The following ABR variants were observed in gnomAD, a reference collection of about 807,000 sequenced individuals.
ABR encodes active breakpoint cluster region-related protein.
ABR carries 35 observed loss-of-function variants against 107.2 expected under a neutral mutation model. The ratio of observed to expected loss-of-function variants is 0.33; its 90% CI spans 0.25 to 0.43. ABR has a LOEUF of 0.43. Ranked by LOEUF, ABR falls within the 20% of genes least tolerant of loss-of-function variation. ABR has a pLI of 1.00. For missense variants in ABR, 815 were observed against 1,115.2 expected, an observed-to-expected ratio of 0.73 and a Z score of 3.83; for synonymous variants, 498 against 462.0, an observed-to-expected ratio of 1.08 and a Z score of -1.00.
chr17:1,125,090 T>G, intron 2 of ABR, 93 bp downstream of exon 2: 1 of 1,332,132 alleles, frequency 7.5e-7, no homozygotes, highest in Non-Finnish European at 1.0e-6. Flanking sequence ...AGTCCCAATC[T>G]CTCGAGACCA....
chr17:1,138,823 G>C (rs2040182769), intron 1 of ABR, among the ~76,000 whole-genome samples: 1 of 152,212 alleles, frequency 6.6e-6, no homozygotes, highest in Non-Finnish European at 1.5e-5. Flanking sequence ...ACTGTTGCAG[G>C]AAACTGAGGA....
intron 16 of ABR, among the ~76,000 whole-genome samples, chr17:1,026,374 A>G (rs1597427834): frequency 6.6e-6 from 1 of 152,196 alleles, no homozygotes; most frequent in Non-Finnish European, 1.5e-5. Context: ...CAGGCATCGG[A>G]TGGGAAGGGC....
intron 16 of ABR, among the ~76,000 whole-genome samples, chr17:1,020,648 A>G (rs2071552607): frequency 6.6e-6 from 1 of 152,124 alleles, no homozygotes; most frequent in Admixed American, 6.5e-5. Context: ...GCCTTTCTGG[A>G]CCGAAGTGAC....
intron 16 of ABR, among the ~76,000 whole-genome samples, chr17:1,019,206 C>T (rs568642232): frequency 1.3e-5 from 2 of 152,340 alleles, no homozygotes; most frequent in East Asian, 3.9e-4. Context: ...ACTGCACCTC[C>T]TGATGCTAAG....
At chr17:1,115,091 A>AG (rs2038922986) in intron 2 of ABR, among the ~76,000 whole-genome samples, 1 of 152,150 alleles carries the variant, frequency 6.6e-6, no homozygotes, top group Non-Finnish European at 1.5e-5. Flanking sequence ...TGCAAAGGGA[A>AG]GGGGGGCCCC....
At position 1,010,086 on chromosome 17, in the gene ABR, CT is replaced by C. The variant is rs1170497360; in HGVS notation, c.2237-303del. ...CCCCTGTCTCGTAACAGGACACCCCCTGGTCTGTGTGGCTAAGGTTAAGCCA... is the reference window on the plus strand; with the variant it reads ...CCCCTGTCTCGTAACAGGACACCCCCGGTCTGTGTGGCTAAGGTTAAGCCA... On this transcript the variant is annotated intron_variant, in intron 20 of 22. Coordinates refer to ENST00000302538, the MANE Select transcript of ABR (RefSeq NM_021962.5). The surrounding 1 kb of genome is among the most constrained non-coding windows in gnomAD (Gnocchi z 4.1). The C allele has an allele frequency of 2.0e-6, 1 of 502,524 alleles. No individual in the cohort carries two copies. The highest frequency in any genetic ancestry group is 3.6e-6 in the Non-Finnish European group (1 of 276,044). The allele number at this position is 502,524 out of a possible 1,614,324, so 31.1% of individuals were successfully genotyped here.
At chr17:1,169,647 G>C (rs1030184216) in intron 1 of ABR, among the ~76,000 whole-genome samples, 3 of 152,190 alleles carry the variant, frequency 2.0e-5, no homozygotes, top group African/African-American at 7.2e-5. Flanking sequence ...TGGGTCTGGA[G>C]GGTCTGCCCC....
intron 16 of ABR, among the ~76,000 whole-genome samples, chr17:1,028,155 A>C (rs1385636649): frequency 2.6e-5 from 4 of 151,818 alleles, no homozygotes; most frequent in Non-Finnish European, 4.4e-5. Flanking sequence ...CAGTGGCATG[A>C]TCTCGGCTCA....
intron 17 of ABR, 56 bp downstream of exon 17, chr17:1,013,049 G>A: frequency 6.3e-7 from 1 of 1,597,186 alleles, no homozygotes; most frequent in East Asian, 2.2e-5. Flanking sequence ...CCCACCTGCT[G>A]CACAGACGTT....
At position 1,084,582 on chromosome 17, in the gene ABR, C is replaced by T. The variant is rs951741802; in HGVS notation, c.532-955G>A. On this transcript the variant is annotated intron_variant, in intron 4 of 22. Transcript: ENST00000302538. The surrounding 1 kb of genome is among the most constrained non-coding windows in gnomAD (Gnocchi z 4.2). ...TTCTGAGAGGCAGGGCAGACCCCAT[C>T]GCCCCTTTCTGCAAAAGGGGAAACC... Among the ~76,000 whole-genome samples the T allele has an allele frequency of 7.9e-5, 12 of 152,274 alleles. No homozygotes were observed. The highest frequency in any genetic ancestry group is 5.9e-4 in the Admixed American group (9 of 15,298).
At chr17:1,162,459 G>C (rs2151572775) in intron 1 of ABR, among the ~76,000 whole-genome samples, 1 of 152,292 alleles carries the variant, frequency 6.6e-6, no homozygotes, top group African/African-American at 2.4e-5. Flanking sequence ...CATGAGGCTG[G>C]GATGTGGTAC....
chr17:1,086,160 A>AT (rs1384052147), intron 4 of ABR, among the ~76,000 whole-genome samples: 2 of 152,176 alleles, frequency 1.3e-5, no homozygotes, highest in East Asian at 3.9e-4. Context: ...AAAACAAAAA[A>AT]AAGGTGGGTA....
At chr17:1,122,878 G>A (rs575759162) in intron 2 of ABR, among the ~76,000 whole-genome samples, 5 of 152,298 alleles carry the variant, frequency 3.3e-5, no homozygotes, top group South Asian at 2.1e-4. Flanking sequence ...AAGGCCCAGC[G>A]ATAAGGCGGT....
At chr17:1,065,713 C>T (rs2034649237) in intron 10 of ABR, among the ~76,000 whole-genome samples, 2 of 149,602 alleles carry the variant, frequency 1.3e-5, no homozygotes, top group Non-Finnish European at 3.0e-5. Context: ...TCCTCTTTAC[C>T]TTGTCAGTTT....
chr17:1,227,838 C>A (rs2043250155), intron 1 of ABR, among the ~76,000 whole-genome samples: 1 of 152,170 alleles, frequency 6.6e-6, no homozygotes, highest in Non-Finnish European at 1.5e-5. Flanking sequence ...ACTCCCTGAC[C>A]TAGAAAGAGC....
intron 9 of ABR, among the ~76,000 whole-genome samples, chr17:1,069,545 A>G (rs1024642623): frequency 2.6e-5 from 4 of 151,952 alleles, no homozygotes; most frequent in Admixed American, 2.6e-4. Flanking sequence ...GGTGGCGTGC[A>G]CCTGTAATCC....
chr17:1,041,486 G>A (rs1220794652), intron 16 of ABR, among the ~76,000 whole-genome samples: 1 of 152,020 alleles, frequency 6.6e-6, no homozygotes, highest in Non-Finnish European at 1.5e-5. Flanking sequence ...TGTCATCCCA[G>A]CACTTTGGGA....
intron 2 of ABR, among the ~76,000 whole-genome samples, chr17:1,102,535 C>T (rs761221807): frequency 4.6e-5 from 7 of 152,134 alleles, no homozygotes; most frequent in Admixed American, 2.0e-4. Context: ...ATAACACTAA[C>T]GACAGCAGAT....
intron 2 of ABR, among the ~76,000 whole-genome samples, chr17:1,116,609 C>T (rs2440057): frequency 0.67 from 102,431 of 151,926 alleles, 34,764 homozygotes; most frequent in East Asian, 0.88. Context: ...CCAGAGAGGA[C>T]GGGAGCCAGC....
Sources: gnomAD v4.1 joint callset for allele counts (sites outside exome capture counted in the v4.1 genomes callset) on GRCh38, gnomAD v4.1.1 for gene constraint, Gnocchi (gnomAD v3.1) non-coding constraint, MANE v1.5 for transcripts, NCBI Gene and HGNC (gene_info 2026-07-23, HGNC 2026-07-21) for gene names.